Variants in VTCN1 observed in about 807,000 individuals in gnomAD.
VTCN1 encodes the protein V-set domain containing T cell activation inhibitor 1, also known as V-set domain-containing T-cell activation inhibitor 1.
A neutral mutation model predicts 26.5 loss-of-function variants in VTCN1; 26 were observed. That is an observed-to-expected ratio of 0.98 (90% CI 0.72 to 1.36). VTCN1 has a LOEUF of 1.36. Among genes scored for constraint, VTCN1 ranks in the 40% most tolerant of loss-of-function variants. The probability of loss-of-function intolerance (pLI) is 0.00; values close to 1 mark genes in which losing one functional copy is unlikely to be tolerated. For missense variants in VTCN1, 298 were observed against 337.7 expected, an observed-to-expected ratio of 0.88 and a Z score of 0.92; for synonymous variants, 116 against 130.7, an observed-to-expected ratio of 0.89 and a Z score of 0.77.
chr1:117,168,811 G>T (rs1652749572), intron 2 of VTCN1, among the ~76,000 whole-genome samples: 1 of 152,072 alleles, frequency 6.6e-6, no homozygotes, highest in African/African-American at 2.4e-5. Flanking sequence ...GCCCAGGTTG[G>T]TCTTGAACCC....
intron 1 of VTCN1, among the ~76,000 whole-genome samples, chr1:117,204,924 A>G (rs1484299858): frequency 1.3e-5 from 2 of 151,912 alleles, no homozygotes; most frequent in African/African-American, 4.8e-5. Flanking sequence ...GCCCTTGGAC[A>G]AGCTGCCTAC....
chr1:117,170,293 T>C, intron 1 of VTCN1, 122 bp from the exon 2 acceptor site: 1 of 948,498 alleles, frequency 1.1e-6, no homozygotes, highest in South Asian at 1.3e-5. Context: ...CAACTTTTTC[T>C]TCCACATAAG....
chr1:117,170,482 T>C (rs17036898), intron 1 of VTCN1, among the ~76,000 whole-genome samples: 2,406 of 152,274 alleles, frequency 0.016, 71 homozygotes, highest in African/African-American at 0.056. Flanking sequence ...GATGAAAACA[T>C]TTCTTTAATG....
intron 1 of VTCN1, among the ~76,000 whole-genome samples, chr1:117,198,175 C>A (rs1648611331): frequency 6.6e-6 from 1 of 152,268 alleles, no homozygotes; most frequent in Admixed American, 6.5e-5. Flanking sequence ...CTTCCACTTC[C>A]CTGAAGTATC....
At chr1:117,192,367 T>C (rs1648289183) in intron 1 of VTCN1, among the ~76,000 whole-genome samples, 1 of 152,194 alleles carries the variant, frequency 6.6e-6, no homozygotes, top group African/African-American at 2.4e-5. Flanking sequence ...TCATTACTAC[T>C]AGACCTGCCT....
chr1:117,160,746 A>G (rs543668638), intron 2 of VTCN1, among the ~76,000 whole-genome samples: 31 of 152,320 alleles, frequency 2.0e-4, no homozygotes, highest in African/African-American at 7.0e-4. Context: ...TTGTTGTTTT[A>G]ATGTGAGAGG....
chr1:117,156,910 T>C lies in VTCN1; in HGVS notation c.109A>G (p.Ile37Val), dbSNP rs757543124. 1.2e-6 allele frequency: 2 copies of C among 1,613,958 alleles called. No individual in the cohort carries two copies. Among genetic ancestry groups the C allele is most frequent in the Non-Finnish European group, 1.7e-6 (2 of 1,180,010 alleles). Residue 37 changes from isoleucine (I) to valine (V), a missense_variant, in exon 3 of 6, where the codon ATC (isoleucine) becomes GTC (valine). Transcript: ENST00000369458. ...GCTGAGGCGACAGTAGTGACTGTGA[T>C]GGAGTGTCTCCCTGCAGTTCAGGAA... ...IGFGISGRHS[I>V]TVTTVASAGN...
At chr1:117,174,692 G>A (rs1325473584) in intron 1 of VTCN1, among the ~76,000 whole-genome samples, 2 of 152,186 alleles carry the variant, frequency 1.3e-5, no homozygotes, top group Admixed American at 6.5e-5. Context: ...GCTTGAGCCC[G>A]GGAGGTGGAG....
Position 117,145,891 on chromosome 1 carries a change from C to G in VTCN1, c.*46-666G>C, listed in dbSNP as rs1651480768. ...TCAAGCAGTCCTCCCATCTTGGCCTCTCAAAGTGCTGGGGTTACAGGTGTG... is the reference window on the plus strand; with the variant it reads ...TCAAGCAGTCCTCCCATCTTGGCCTGTCAAAGTGCTGGGGTTACAGGTGTG... On this transcript the variant is annotated intron_variant, in intron 5 of 5. Coordinates refer to ENST00000369458, the MANE Select transcript of VTCN1 (RefSeq NM_024626.4). The surrounding 1 kb of genome is among the most constrained non-coding windows in gnomAD (Gnocchi z 4.6). Among the ~76,000 whole-genome samples, 1 of 152,180 alleles carries G rather than the reference C, an allele frequency of 6.6e-6. No individual in the cohort carries two copies.
chr1:117,147,881 A>G lies in VTCN1; in HGVS notation c.725-99T>C, dbSNP rs1241792204. On this transcript the variant is annotated intron_variant, in intron 4 of 5. Coordinates refer to ENST00000369458, the MANE Select transcript of VTCN1 (RefSeq NM_024626.4). This position sits in a 1 kb window ranked among gnomAD's most constrained non-coding sequence, Gnocchi z 4.6. Reference sequence around the variant, plus strand: ...AGAAAAGTACCTGAAAAACAGAACAAGTTGTTCCTAATTCAGGCAATTTTT... The same window carrying G: ...AGAAAAGTACCTGAAAAACAGAACAGGTTGTTCCTAATTCAGGCAATTTTT... The G allele has an allele frequency of 2.0e-6, 3 of 1,487,668 alleles. No individual in the cohort carries two copies. The highest frequency in any genetic ancestry group is 4.7e-5 in the East Asian group (2 of 42,466). 92.2% of individuals were successfully genotyped at this position (1,487,668 alleles called of 1,614,324 possible). A position where few individuals can be genotyped will look rare whatever the true frequency, so the allele number is the denominator to read the frequency against.
At chr1:117,152,985 T>C (rs1651871877) in intron 4 of VTCN1, 106 bp downstream of exon 4, 1 of 1,312,254 alleles carries the variant, frequency 7.6e-7, no homozygotes, top group Non-Finnish European at 1.0e-6. Flanking sequence ...TGAAGAGGAC[T>C]CTAGAGATTT....
intron 4 of VTCN1, 77 bp downstream of exon 4, chr1:117,153,014 C>T (rs1651873440): frequency 6.6e-7 from 1 of 1,515,664 alleles, no homozygotes; most frequent in Non-Finnish European, 8.9e-7. Context: ...TGGTATATAT[C>T]TATTAATGAA....
Position 117,155,712 on chromosome 1 carries a change from T to C in VTCN1, c.445+862A>G, listed in dbSNP as rs1170007778. ...TTCGAATCATTGCATATGCATGTTATGAGGTGTGCAAGAAAGACCTGTGCA... is the reference window on the plus strand; with the variant it reads ...TTCGAATCATTGCATATGCATGTTACGAGGTGTGCAAGAAAGACCTGTGCA... On this transcript the variant is annotated intron_variant, in intron 3 of 5. Transcript: ENST00000369458. The surrounding 1 kb of genome is among the most constrained non-coding windows in gnomAD (Gnocchi z 4.8). Among the ~76,000 whole-genome samples the C allele has an allele frequency of 2.0e-5, 3 of 152,128 alleles. No individual in the cohort carries two copies. The highest frequency in any genetic ancestry group is 4.4e-5 in the Non-Finnish European group (3 of 68,022).
intron 4 of VTCN1, among the ~76,000 whole-genome samples, chr1:117,151,949 C>T (rs1157860212): frequency 6.6e-6 from 1 of 152,116 alleles, no homozygotes; most frequent in Non-Finnish European, 1.5e-5. Context: ...TGCATTTCTC[C>T]AATGATTAGT....
intron 1 of VTCN1, among the ~76,000 whole-genome samples, chr1:117,181,649 G>C (rs751711645): frequency 1.3e-5 from 2 of 152,212 alleles, no homozygotes; most frequent in Non-Finnish European, 2.9e-5. Context: ...GAGTGGGAAG[G>C]CAGGTGAACC....
chr1:117,181,628 T>C (rs1647676413), intron 1 of VTCN1, among the ~76,000 whole-genome samples: 2 of 152,068 alleles, frequency 1.3e-5, no homozygotes, highest in South Asian at 2.1e-4. Flanking sequence ...CTTTTTTAAA[T>C]GGATTTAAGG....
chr1:117,166,588 T>A (rs537711321), intron 2 of VTCN1, among the ~76,000 whole-genome samples: 3 of 146,226 alleles, frequency 2.1e-5, no homozygotes, highest in African/African-American at 7.7e-5. Context: ...ACCCTGTCCC[T>A]ACTAAAAATA....
At chr1:117,181,253 CAA>C (rs5777301) in intron 1 of VTCN1, among the ~76,000 whole-genome samples, 38 of 126,904 alleles carry the variant, frequency 3.0e-4, no homozygotes, top group Non-Finnish European at 5.1e-4. Context: ...CCTGTCTTTA[CAA>C]AAAAAAAAAA....
Position 117,169,107 on chromosome 1 carries a change from G to C in VTCN1, c.97+1000C>G, listed in dbSNP as rs1367662780. Among the ~76,000 whole-genome samples, 1 of 152,130 alleles carries C rather than the reference G, an allele frequency of 6.6e-6. No homozygotes were observed. Among genetic ancestry groups the C allele is most frequent in the Non-Finnish European group, 1.5e-5 (1 of 68,028 alleles). ...CAGACTGAGTTAAAATGAATGTGTT[G>C]GACTGAGTCAGGTGGTTTATGAAAA... On this transcript the variant is annotated intron_variant, in intron 2 of 5. Transcript: ENST00000369458. This position sits in a 1 kb window ranked among gnomAD's most constrained non-coding sequence, Gnocchi z 4.0.
Sources: gnomAD v4.1 joint callset for allele counts (sites outside exome capture counted in the v4.1 genomes callset) on GRCh38, gnomAD v4.1.1 for gene constraint, Gnocchi (gnomAD v3.1) non-coding constraint, MANE v1.5 for transcripts, NCBI Gene and HGNC (gene_info 2026-07-23, HGNC 2026-07-21) for gene names.